The following ADGRL3 variants were observed in gnomAD, a reference collection of about 807,000 sequenced individuals.
ADGRL3 encodes adhesion G protein-coupled receptor L3.
Under a neutral mutation model 153.5 loss-of-function variants are expected in ADGRL3, and 62 were observed. The observed-to-expected ratio is 0.40, with a 90% CI of 0.33 to 0.50. The LOEUF is 0.50. Ranked by LOEUF, ADGRL3 falls within the 20% of genes least tolerant of loss-of-function variation. The probability of loss-of-function intolerance (pLI) is 0.47; values close to 1 mark genes in which losing one functional copy is unlikely to be tolerated. For synonymous variants in ADGRL3, 710 were observed against 672.5 expected (o/e 1.06, Z -0.86); for missense variants, 1,641 against 1,859.4 (o/e 0.88, Z 2.16).
intron 1 of ADGRL3, among the ~76,000 whole-genome samples, chr4:61,267,275 T>A (rs750304496): frequency 6.6e-6 from 1 of 151,694 alleles, no homozygotes; most frequent in Non-Finnish European, 1.5e-5. Flanking sequence ...TCAAGGAAGG[T>A]CATAGCTGCA....
At chr4:61,939,881 C>T (rs1364231752) in intron 15 of ADGRL3, among the ~76,000 whole-genome samples, 1 of 151,928 alleles carries the variant, frequency 6.6e-6, no homozygotes, top group African/African-American at 2.4e-5. Flanking sequence ...TGATGTTCCA[C>T]GTATCAATAG....
intron 3 of ADGRL3, among the ~76,000 whole-genome samples, chr4:61,514,711 ACAGT>A (rs1263414663): frequency 6.6e-5 from 10 of 152,128 alleles, no homozygotes; most frequent in African/African-American, 2.4e-4. Flanking sequence ...TTTTCAATTT[ACAGT>A]CAAAGTCGAC....
At chr4:61,621,660 CT>C (rs1176767442) in intron 5 of ADGRL3, among the ~76,000 whole-genome samples, 5 of 151,908 alleles carry the variant, frequency 3.3e-5, no homozygotes, top group Admixed American at 6.6e-5. Context: ...AAACATAGCC[CT>C]TTTTTTCCTC....
At chr4:61,403,971 T>G (rs2096962354) in intron 2 of ADGRL3, among the ~76,000 whole-genome samples, 1 of 152,182 alleles carries the variant, frequency 6.6e-6, no homozygotes, top group Non-Finnish European at 1.5e-5. Flanking sequence ...TTAATCTTAA[T>G]TGCTTCCTTA....
At chr4:61,909,843 A>G (rs2098714188) in intron 12 of ADGRL3, 98 bp downstream of exon 12, 1 of 866,576 alleles carries the variant, frequency 1.2e-6, no homozygotes, top group African/African-American at 1.7e-5. Flanking sequence ...TCACTGCTTA[A>G]TTTTCCTCCT....
chr4:61,241,470 A>G (rs928802860), intron 1 of ADGRL3, among the ~76,000 whole-genome samples: 3 of 152,050 alleles, frequency 2.0e-5, no homozygotes, highest in Non-Finnish European at 2.9e-5. Flanking sequence ...TGTTAGCTGG[A>G]CTAATCTACA....
chr4:61,312,929 G>A (rs1457095835), intron 1 of ADGRL3, among the ~76,000 whole-genome samples: 1 of 152,162 alleles, frequency 6.6e-6, no homozygotes, highest in African/African-American at 2.4e-5. Context: ...ATTAATGTTT[G>A]CAGCAGCCTC....
intron 17 of ADGRL3, among the ~76,000 whole-genome samples, chr4:61,971,935 T>G (rs2099029441): frequency 6.6e-6 from 1 of 152,272 alleles, no homozygotes; most frequent in East Asian, 1.9e-4. Context: ...TCATGTGTCT[T>G]TTGGCTGCAC....
At chr4:61,917,373 G>T (rs2098749683) in intron 13 of ADGRL3, among the ~76,000 whole-genome samples, 1 of 152,128 alleles carries the variant, frequency 6.6e-6, no homozygotes. Flanking sequence ...AGGTAAAATG[G>T]TATGTGATAA....
At chr4:61,451,008 GA>G (rs912604378) in intron 2 of ADGRL3, among the ~76,000 whole-genome samples, 2 of 151,934 alleles carry the variant, frequency 1.3e-5, no homozygotes, top group African/African-American at 2.4e-5. Context: ...GTAACCAGAT[GA>G]AAAAAAGTTA....
intron 1 of ADGRL3, among the ~76,000 whole-genome samples, chr4:61,356,465 T>A (rs1250883440): frequency 3.3e-5 from 5 of 152,036 alleles, no homozygotes; most frequent in East Asian, 1.9e-4. Flanking sequence ...GAAAAAAAAA[T>A]TAGTTATCTA....
At chr4:61,597,630 T>C (rs2098994446) in intron 5 of ADGRL3, among the ~76,000 whole-genome samples, 1 of 151,702 alleles carries the variant, frequency 6.6e-6, no homozygotes, top group Non-Finnish European at 1.5e-5. Context: ...ATTGACTTTT[T>C]TATTTGTTTC....
chr4:61,379,713 T>A (rs1363657141), intron 1 of ADGRL3, among the ~76,000 whole-genome samples: 1 of 152,026 alleles, frequency 6.6e-6, no homozygotes, highest in Non-Finnish European at 1.5e-5. Context: ...AAATAACATA[T>A]TTTCCATCTT....
intron 13 of ADGRL3, among the ~76,000 whole-genome samples, chr4:61,914,802 T>C (rs924183649): frequency 3.0e-4 from 46 of 152,090 alleles, no homozygotes; most frequent in South Asian, 4.1e-4. Context: ...GCTCAGTTGT[T>C]TGGTTTGCAT....
chr4:61,461,310 A>T (rs548755686), intron 2 of ADGRL3, among the ~76,000 whole-genome samples: 3 of 152,208 alleles, frequency 2.0e-5, no homozygotes, highest in Non-Finnish European at 4.4e-5. Flanking sequence ...TTGACAACAC[A>T]GTGAGGTGAC....
At chr4:62,006,933 A>T (rs1454056023) in intron 21 of ADGRL3, among the ~76,000 whole-genome samples, 2 of 152,098 alleles carry the variant, frequency 1.3e-5, no homozygotes, top group Non-Finnish European at 2.9e-5. Flanking sequence ...CTGGTGATAC[A>T]TGAAACTTAA....
intron 8 of ADGRL3, among the ~76,000 whole-genome samples, chr4:61,784,320 T>G (rs2097252278): frequency 6.6e-6 from 1 of 152,140 alleles, no homozygotes; most frequent in African/African-American, 2.4e-5. Flanking sequence ...CTGCTTAGGT[T>G]TTTTTATTTC....
At chr4:61,821,217 T>C (rs2097753315) in intron 9 of ADGRL3, among the ~76,000 whole-genome samples, 1 of 150,248 alleles carries the variant, frequency 6.7e-6, no homozygotes, top group Non-Finnish European at 1.5e-5. Context: ...AGACATTAAC[T>C]TCTAAAAAAT....
At chr4:61,217,489 G>A (rs1226144226) in intron 1 of ADGRL3, among the ~76,000 whole-genome samples, 1 of 152,142 alleles carries the variant, frequency 6.6e-6, no homozygotes, top group Non-Finnish European at 1.5e-5. Context: ...GCCTTGATGT[G>A]GCAATAGAGA....
Sources: gnomAD v4.1 joint callset for allele counts (sites outside exome capture counted in the v4.1 genomes callset) on GRCh38, gnomAD v4.1.1 for gene constraint, MANE v1.5 for transcripts, NCBI Gene and HGNC (gene_info 2026-07-23, HGNC 2026-07-21) for gene names.